The following GPC3 variants were observed in gnomAD, a reference collection of about 807,000 sequenced individuals.
The protein encoded by GPC3 is glypican-3.
A neutral mutation model predicts 34.4 loss-of-function variants in GPC3; 3 were observed. The ratio of observed to expected loss-of-function variants is 0.09; its 90% CI spans 0.04 to 0.23. The LOEUF (loss-of-function observed/expected upper bound fraction) is 0.23, where lower values mean the gene tolerates loss of function less well. Ranked by LOEUF, GPC3 falls within the 10% of genes least tolerant of loss-of-function variation. The pLI, the probability that GPC3 is intolerant of heterozygous loss-of-function variation, is 1.00. For synonymous variants in GPC3, 177 were observed against 174.0 expected (o/e 1.02, Z -0.13); for missense variants, 351 against 445.6 (o/e 0.79, Z 1.91).
intron 2 of GPC3, among the ~76,000 whole-genome samples, chrX:133,841,419 A>G (rs2075824172): frequency 9.3e-6 from 1 of 107,549 alleles, no homozygotes; most frequent in African/African-American, 3.4e-5. Context: ...TGAAAAGCAT[A>G]AAGATGCCTA....
At chrX:133,917,680 A>G (rs776358116) in intron 2 of GPC3, among the ~76,000 whole-genome samples, 1 of 111,809 alleles carries the variant, frequency 8.9e-6, no homozygotes, top group Non-Finnish European at 1.9e-5. Flanking sequence ...GCAGTGTTAC[A>G]TTTGTCCTAG....
chrX:133,757,455 T>G (rs958032598), intron 2 of GPC3, among the ~76,000 whole-genome samples: 1 of 111,892 alleles, frequency 8.9e-6, no homozygotes, highest in South Asian at 3.8e-4. Flanking sequence ...CCAGGACATA[T>G]AACCTATCAC....
chrX:133,750,821 C>A (rs1391961074), intron 3 of GPC3, among the ~76,000 whole-genome samples: 6 of 110,893 alleles, frequency 5.4e-5, no homozygotes, highest in African/African-American at 1.6e-4. Flanking sequence ...TGCCTGTAGT[C>A]TCAGCACTTT....
At chrX:133,620,097 G>A (rs2070214952) in intron 6 of GPC3, among the ~76,000 whole-genome samples, 1 of 107,308 alleles carries the variant, frequency 9.3e-6, no homozygotes, top group Non-Finnish European at 1.9e-5. Context: ...GCGGGAACCT[G>A]TAATCCCAGC....
At chrX:133,971,572 C>T (rs2076493671) in intron 1 of GPC3, among the ~76,000 whole-genome samples, 1 of 111,184 alleles carries the variant, frequency 9.0e-6, no homozygotes, top group African/African-American at 3.3e-5. Context: ...AAACATTCCA[C>T]TCATCTTTTT....
intron 3 of GPC3, among the ~76,000 whole-genome samples, chrX:133,744,407 GAA>G (rs1458695925): frequency 4.4e-5 from 5 of 112,734 alleles, no homozygotes; most frequent in Non-Finnish European, 3.8e-5. Context: ...AAACATATGA[GAA>G]AAAGCTCATC....
chrX:133,699,953 T>C lies in GPC3; in HGVS notation c.1108A>G (p.Lys370Glu). 1 of 1,197,858 alleles carries C rather than the reference T, an allele frequency of 8.3e-7. No individual in the cohort carries two copies. Among genetic ancestry groups the C allele is most frequent in the Non-Finnish European group, 1.1e-6 (1 of 883,416 alleles). The change falls in exon 4 of 8, where the codon AAG (lysine) becomes GAG (glutamate). Residue 370 changes from lysine (K) to glutamate (E), a missense_variant. Physicochemically the swap from Lys to Glu is moderately conservative, Grantham distance 56. Transcript: ENST00000370818. ...ACATGAGCAACTTTTAATACTTTCT[T>C]GTCAATAAAGAGATCTTCAGGATAA... ...AYYPEDLFID[K>E]KVLKVAHVEH...
At chrX:133,739,103 A>C (rs926206607) in intron 3 of GPC3, among the ~76,000 whole-genome samples, 17 of 111,295 alleles carry the variant, frequency 1.5e-4, no homozygotes, top group East Asian at 5.7e-4. Flanking sequence ...GGGAAAAAAA[A>C]CCCACAGTAT....
intron 1 of GPC3, among the ~76,000 whole-genome samples, chrX:133,972,789 G>C (rs1199715025): frequency 2.7e-5 from 3 of 111,808 alleles, no homozygotes; most frequent in Non-Finnish European, 5.6e-5. Context: ...GCCAGACAGA[G>C]ATACCATCAC....
At chrX:133,749,192 C>T (rs868575127) in intron 3 of GPC3, among the ~76,000 whole-genome samples, 1 of 112,112 alleles carries the variant, frequency 8.9e-6, no homozygotes, top group African/African-American at 3.2e-5. Context: ...GCCCAGGAGG[C>T]GGAGGTTGCA....
rs189890223 is a variant in GPC3, at chrX:133,629,598, G to A, written c.1413+32132C>T. On this transcript the variant is annotated intron_variant, in intron 6 of 7. Coordinates refer to ENST00000370818, the MANE Select transcript of GPC3 (RefSeq NM_004484.4). ...TTTAGTAGAGACAGGGTTTCACTAC[G>A]TTGGCCAGGGTGGTCTAGAACTCCT... 6.8e-4 allele frequency among the ~76,000 whole-genome samples: 73 copies of A among 107,715 alleles called. 5 individuals carry two copies. The highest frequency in any genetic ancestry group is 4.9e-3 in the Middle Eastern group (1 of 203). 93.5% of individuals were successfully genotyped at this position (107,715 alleles called of 115,157 possible).
intron 3 of GPC3, among the ~76,000 whole-genome samples, chrX:133,722,883 T>C (rs749083637): frequency 9.0e-5 from 10 of 110,756 alleles, no homozygotes; most frequent in Non-Finnish European, 1.7e-4. Context: ...TTGAGAAGAG[T>C]CTGACCCCTG....
chrX:133,583,109 CAT>C (rs746993212), intron 7 of GPC3, among the ~76,000 whole-genome samples: 73 of 111,943 alleles, frequency 6.5e-4, no homozygotes, highest in Non-Finnish European at 1.3e-3. Context: ...TAATTGGTGA[CAT>C]GTGCTCATAG....
intron 1 of GPC3, among the ~76,000 whole-genome samples, chrX:133,964,443 T>G (rs1057013351): frequency 9.0e-6 from 1 of 111,452 alleles, no homozygotes; most frequent in African/African-American, 3.3e-5. Context: ...GTGGCAAAAA[T>G]GCTTAGAAAA....
At chrX:133,865,798 T>C in intron 2 of GPC3, among the ~76,000 whole-genome samples, 1 of 112,053 alleles carries the variant, frequency 8.9e-6, no homozygotes, top group Non-Finnish European at 1.9e-5. Context: ...TTCACTGTAT[T>C]GTATACCAAC....
intron 7 of GPC3, among the ~76,000 whole-genome samples, chrX:133,567,111 A>T (rs1197151664): frequency 8.9e-6 from 1 of 112,079 alleles, no homozygotes; most frequent in Non-Finnish European, 1.9e-5. Flanking sequence ...GCTCTAAAAA[A>T]GGCATTCTTG....
At chrX:133,847,853 T>A (rs146079445) in intron 2 of GPC3, among the ~76,000 whole-genome samples, 3,540 of 111,772 alleles carry the variant, frequency 0.032, 159 homozygotes, top group African/African-American at 0.11. Context: ...TCTATTAATG[T>A]ACAAGAGAAG....
At chrX:133,913,816 G>A (rs2076211530) in intron 2 of GPC3, among the ~76,000 whole-genome samples, 1 of 110,646 alleles carries the variant, frequency 9.0e-6, no homozygotes, top group African/African-American at 3.3e-5. Context: ...TTGGTGGAGA[G>A]CCTGCTCTCT....
rs181149723 is a variant in GPC3, at chrX:133,738,986, T to C, written c.1032+14496A>G. Among the ~76,000 whole-genome samples the C allele has an allele frequency of 1.2e-4, 14 of 112,226 alleles. No individual in the cohort carries two copies. In the East Asian group the frequency reaches 2.5e-3, roughly 20 times the overall value. ...TCTGAATGCAAAGACTAGCAGGAACTTCAGTAGGAAAGGGTGGAGTTGTTC... is the reference window on the plus strand; with the variant it reads ...TCTGAATGCAAAGACTAGCAGGAACCTCAGTAGGAAAGGGTGGAGTTGTTC... On this transcript the variant is annotated intron_variant, in intron 3 of 7. Transcript: ENST00000370818.
Sources: allele counts gnomAD v4.1 joint callset (sites outside exome capture counted in the v4.1 genomes callset), GRCh38; gene constraint gnomAD v4.1.1; transcripts MANE v1.5; gene names NCBI Gene and HGNC (gene_info 2026-07-23, HGNC 2026-07-21).